The following KIF21A variants were observed in gnomAD, a reference collection of about 807,000 sequenced individuals.
The protein encoded by KIF21A is kinesin-like protein KIF21A.
KIF21A carries 114 observed loss-of-function variants against 202.9 expected under a neutral mutation model. The ratio of observed to expected loss-of-function variants is 0.56; its 90% CI spans 0.48 to 0.66. The LOEUF (loss-of-function observed/expected upper bound fraction) is 0.66. Ranked by LOEUF, KIF21A falls within the 30% of genes least tolerant of loss-of-function variation. The pLI, the probability that KIF21A is intolerant of heterozygous loss-of-function variation, is 0.00. For synonymous variants in KIF21A, 667 were observed against 670.8 expected (o/e 0.99, Z 0.09); for missense variants, 1,677 against 1,994.9 (o/e 0.84, Z 3.04).
At chr12:39,344,164 A>G (rs538522622) in intron 12 of KIF21A, among the ~76,000 whole-genome samples, 4 of 152,290 alleles carry the variant, frequency 2.6e-5, no homozygotes, top group African/African-American at 9.6e-5. Flanking sequence ...TAAACAAGAA[A>G]TAATTTTATG....
At chr12:39,392,231 C>G (rs180779337) in intron 1 of KIF21A, among the ~76,000 whole-genome samples, 132 of 152,214 alleles carry the variant, frequency 8.7e-4, no homozygotes, top group African/African-American at 3.0e-3. Context: ...TGCTGCCTGG[C>G]TTTTCATGAA....
At chr12:39,433,843 G>A (rs1417286575) in intron 1 of KIF21A, among the ~76,000 whole-genome samples, 1 of 152,106 alleles carries the variant, frequency 6.6e-6, no homozygotes. Context: ...ATAGAATAAG[G>A]ATCTTGGAAG....
At chr12:39,379,210 G>A (rs570619920) in intron 1 of KIF21A, among the ~76,000 whole-genome samples, 1 of 151,764 alleles carries the variant, frequency 6.6e-6, no homozygotes, top group East Asian at 2.0e-4. Flanking sequence ...GGCGCCTGTA[G>A]TCCCAGCTAC....
chr12:39,400,132 T>A (rs1592554180), intron 1 of KIF21A, among the ~76,000 whole-genome samples: 2 of 152,320 alleles, frequency 1.3e-5, no homozygotes, highest in East Asian at 3.9e-4. Flanking sequence ...TCCCTAGTCC[T>A]AAGGCTTTAA....
At chr12:39,341,887 C>T in intron 13 of KIF21A, 147 bp downstream of exon 13, 1 of 714,554 alleles carries the variant, frequency 1.4e-6, no homozygotes, top group Non-Finnish European at 2.5e-6. Flanking sequence ...TAGCTTGTAT[C>T]TCTGAAGAAA....
At chr12:39,338,615 A>G (rs558169599) in intron 16 of KIF21A, among the ~76,000 whole-genome samples, 12 of 152,228 alleles carry the variant, frequency 7.9e-5, no homozygotes, top group Admixed American at 3.3e-4. Context: ...CATACCTTAC[A>G]GGCATACCTT....
intron 35 of KIF21A, 72 bp downstream of exon 35, chr12:39,304,749 C>T: frequency 6.0e-6 from 5 of 830,616 alleles, no homozygotes; most frequent in Admixed American, 1.8e-5. Context: ...GAAAGAGGTC[C>T]TAGATGAATC....
rs887583045 is a variant in KIF21A at position 39,320,064 on chromosome 12, A to G, written c.3672-51T>C. On this transcript the variant is annotated intron_variant, in intron 27 of 37. Transcript: ENST00000361418. ...TACCTAATTCTAAATTTGCACATAC[A>G]ACTTTGGTAGATAGTCAATCTAAAA... is the stretch of plus-strand genomic sequence containing the variant. 3 of 1,045,208 alleles carry G rather than the reference A, an allele frequency of 2.9e-6. No individual in the cohort carries two copies. The Admixed American group carries it at 5.7e-5, about 20-fold the overall frequency. 64.7% of individuals were successfully genotyped at this position (1,045,208 alleles called of 1,614,324 possible).
chr12:39,431,826 A>G (rs1016977216), intron 1 of KIF21A, among the ~76,000 whole-genome samples: 1 of 152,250 alleles, frequency 6.6e-6, no homozygotes, highest in African/African-American at 2.4e-5. Context: ...TAAGAATATT[A>G]TCAAGGACAG....
At chr12:39,345,422 T>C (rs550380884) in intron 12 of KIF21A, among the ~76,000 whole-genome samples, 270 of 152,134 alleles carry the variant, frequency 1.8e-3, no homozygotes, top group African/African-American at 5.8e-3. Context: ...AATTATAGCC[T>C]AAGTACTTTA....
In KIF21A at chr12:39,370,318, CA is replaced by C. The variant is rs757609578; in HGVS notation, c.45-58del. ...AAATAAATGGCAAAAAAAAACCTCT[CA>C]AAAAATAGGACTTAAAAACTCTTGG... On this transcript the variant is annotated intron_variant, in intron 1 of 37. Coordinates refer to ENST00000361418, the MANE Select transcript of KIF21A (RefSeq NM_001173464.2). 691 of 1,330,624 alleles carry C rather than the reference CA, an allele frequency of 5.2e-4. 2 individuals carry two copies. The highest frequency in any genetic ancestry group is 7.0e-4 in the South Asian group (57 of 81,216). The allele number at this position is 1,330,624 out of a possible 1,614,324, so 82.4% of individuals were successfully genotyped here.
chr12:39,309,523 G>GT (rs1448355434), intron 33 of KIF21A, 63 bp downstream of exon 33: 2 of 1,031,460 alleles, frequency 1.9e-6, no homozygotes, highest in Non-Finnish European at 2.8e-6. Flanking sequence ...TCTTATATTT[G>GT]TAAAAAAAAA....
At chr12:39,409,835 C>CTTTTTT (rs755068673) in intron 1 of KIF21A, among the ~76,000 whole-genome samples, 1 of 134,828 alleles carries the variant, frequency 7.4e-6, no homozygotes, top group Non-Finnish European at 1.6e-5. Flanking sequence ...AAGAAGCTGG[C>CTTTTTT]TTTTTTTTTT....
intron 1 of KIF21A, among the ~76,000 whole-genome samples, chr12:39,406,216 A>G (rs1202404680): frequency 3.9e-5 from 6 of 152,240 alleles, no homozygotes; most frequent in Non-Finnish European, 1.5e-5. Context: ...CAAATTTTCA[A>G]GCAACATATT....
intron 14 of KIF21A, 138 bp downstream of exon 14, chr12:39,341,367 C>T (rs1338069781): frequency 2.5e-6 from 2 of 796,924 alleles, no homozygotes; most frequent in Admixed American, 2.3e-5. Flanking sequence ...AGCACATAAG[C>T]CTTGGAAGGC....
intron 7 of KIF21A, among the ~76,000 whole-genome samples, chr12:39,360,132 T>C (rs1024511896): frequency 6.6e-6 from 1 of 152,094 alleles, no homozygotes; most frequent in Non-Finnish European, 1.5e-5. Context: ...AAACATCATA[T>C]ATTAAACAAA....
Position 39,369,912 on chromosome 12 carries a change from C to A in KIF21A, c.268-1G>T. ...TTGTGTATGTTTTACCAGCTCCAGT[C>A]TAAACAAAAGAACAGAGAAAGATTA... On this transcript the variant is annotated splice_acceptor_variant, in intron 2 of 37. Coordinates refer to ENST00000361418, the MANE Select transcript of KIF21A (RefSeq NM_001173464.2). LOFTEE classifies it high-confidence loss of function. The A allele has an allele frequency of 6.2e-7, 1 of 1,612,542 alleles. No homozygotes were observed. Among genetic ancestry groups the A allele is most frequent in the Non-Finnish European group, 8.5e-7 (1 of 1,178,898 alleles).
chr12:39,330,561 T>C (rs2138071385), intron 23 of KIF21A, among the ~76,000 whole-genome samples, 185 bp downstream of exon 23: 1 of 152,328 alleles, frequency 6.6e-6, no homozygotes, highest in Non-Finnish European at 1.5e-5. Flanking sequence ...TAACCATTTC[T>C]TGGAATGACA....
At chr12:39,385,113 A>G (rs748833727) in intron 1 of KIF21A, among the ~76,000 whole-genome samples, 2 of 152,202 alleles carry the variant, frequency 1.3e-5, no homozygotes, top group African/African-American at 2.4e-5. Context: ...GAGCAAAGTA[A>G]GTAACCAGGA....
Sources: allele counts gnomAD v4.1 joint callset (sites outside exome capture counted in the v4.1 genomes callset), GRCh38; gene constraint gnomAD v4.1.1; transcripts MANE v1.5; gene names NCBI Gene and HGNC (gene_info 2026-07-23, HGNC 2026-07-21).